HDAC4: variants seen among roughly 807,000 people sequenced by gnomAD.
HDAC4 encodes the protein histone deacetylase 4.
A neutral mutation model predicts 135.1 loss-of-function variants in HDAC4; 16 were observed. That is an observed-to-expected ratio of 0.12 (90% CI 0.08 to 0.18). The LOEUF (loss-of-function observed/expected upper bound fraction) is 0.18. Ranked by LOEUF, HDAC4 falls within the 10% of genes least tolerant of loss-of-function variation. The pLI is 1.00. For missense variants in HDAC4, 1,143 were observed against 1,511.8 expected (o/e 0.76, Z 4.05); for synonymous variants, 685 against 653.4 (o/e 1.05, Z -0.74).
In HDAC4 at chr2:239,108,033, G is replaced by A. The variant is rs760139630; in HGVS notation, c.2112+17C>T. 1 of 1,610,500 alleles carries A rather than the reference G, an allele frequency of 6.2e-7. No homozygotes were observed. The highest frequency in any genetic ancestry group is 8.5e-7 in the Non-Finnish European group (1 of 1,179,760). ...TGCCCAAAGCCGCAGCTGCCCACCT[G>A]CCCCGGTCGGCGTTACCTCGCATTT... is the stretch of plus-strand genomic sequence containing the variant. On this transcript the variant is annotated intron_variant, in intron 15 of 26. Transcript: ENST00000543185.
At chr2:239,193,177 T>G (rs1287918667) in intron 3 of HDAC4, among the ~76,000 whole-genome samples, 1 of 152,192 alleles carries the variant, frequency 6.6e-6, no homozygotes, top group Non-Finnish European at 1.5e-5. Flanking sequence ...CAAGGTCCCA[T>G]GTAGAAACAG....
intron 2 of HDAC4, among the ~76,000 whole-genome samples, chr2:239,346,332 A>G (rs1232950554): frequency 6.7e-6 from 1 of 149,310 alleles, no homozygotes; most frequent in Non-Finnish European, 1.5e-5. Flanking sequence ...TACAGACCAT[A>G]CACACCCGTC....
intron 16 of HDAC4, among the ~76,000 whole-genome samples, chr2:239,100,655 G>T (rs908267108): frequency 6.6e-6 from 1 of 152,160 alleles, no homozygotes; most frequent in Non-Finnish European, 1.5e-5. Context: ...CCCACAGGGG[G>T]TGATTAGCCG....
intron 6 of HDAC4, among the ~76,000 whole-genome samples, chr2:239,160,601 G>A (rs1219254738): frequency 1.3e-5 from 2 of 152,228 alleles, no homozygotes; most frequent in Non-Finnish European, 2.9e-5. Context: ...TCTAGGCACC[G>A]TGCCTCTGGG....
At chr2:239,226,031 A>G (rs530250369) in intron 3 of HDAC4, among the ~76,000 whole-genome samples, 1 of 152,298 alleles carries the variant, frequency 6.6e-6, no homozygotes, top group East Asian at 1.9e-4. Flanking sequence ...ACACCCTAAC[A>G]CAGACAAGGG....
In HDAC4 at chr2:239,115,462, T is replaced by C. The variant is rs1328117976; in HGVS notation, c.1534-152A>G. ...CCTGCCACAGGCCAGCAGGCACCTT[T>C]ATCTCCCAACAGGCACTGGGGTGCC... On this transcript the variant is annotated intron_variant, in intron 12 of 26. Coordinates refer to ENST00000543185, the MANE Select transcript of HDAC4 (RefSeq NM_001378414.1). The surrounding 1 kb of genome is among the most constrained non-coding windows in gnomAD (Gnocchi z 6.3). The C allele has an allele frequency of 2.1e-6, 2 of 937,966 alleles. No individual in the cohort carries two copies. Among genetic ancestry groups the C allele is most frequent in the Non-Finnish European group, 3.2e-6 (2 of 629,574 alleles). 58.1% of individuals were successfully genotyped at this position (937,966 alleles called of 1,614,324 possible). A position where few individuals can be genotyped will look rare whatever the true frequency, so the allele number is the denominator to read the frequency against.
rs536859233 is a variant in HDAC4 at position 239,373,932 on chromosome 2, C to G, written c.-219-21014G>C. ...TACTTTTTACAGTTAAGCCTTGAAT[C>G]CATCTGAAATGTATCTTCCCCTCAT... On this transcript the variant is annotated intron_variant, in intron 1 of 26. Coordinates refer to ENST00000543185, the MANE Select transcript of HDAC4 (RefSeq NM_001378414.1). 2.2e-4 allele frequency among the ~76,000 whole-genome samples: 34 copies of G among 152,274 alleles called. No homozygotes were observed. The South Asian group carries it at 7.1e-3, about 32-fold the overall frequency.
intron 2 of HDAC4, among the ~76,000 whole-genome samples, chr2:239,301,782 ATTTC>A (rs1314693905): frequency 2.0e-5 from 3 of 152,098 alleles, no homozygotes; most frequent in East Asian, 1.9e-4. Context: ...CTGTAGGCCT[ATTTC>A]TTTCTTTATG....
intron 3 of HDAC4, among the ~76,000 whole-genome samples, chr2:239,213,324 A>G (rs895696699): frequency 6.6e-6 from 1 of 152,096 alleles, no homozygotes; most frequent in African/African-American, 2.4e-5. Context: ...AAAAGAACGC[A>G]CTCAGCAACG....
chr2:239,362,036 G>GA (rs1475107253), intron 1 of HDAC4, among the ~76,000 whole-genome samples: 1 of 152,190 alleles, frequency 6.6e-6, no homozygotes, highest in African/African-American at 2.4e-5. Flanking sequence ...AATAATAGAC[G>GA]AATGTGGACA....
chr2:239,251,025 G>A (rs1246223240), intron 2 of HDAC4, among the ~76,000 whole-genome samples: 2 of 152,216 alleles, frequency 1.3e-5, no homozygotes, highest in East Asian at 3.9e-4. Context: ...AGACTCGTCA[G>A]CTGGCACCTG....
In HDAC4 at chr2:239,054,779, G is replaced by A. The variant is rs201219118; in HGVS notation, c.3058C>T (p.Arg1020Cys). ...LQQRPNANAV[R>C]SMEKVMEIHS... ...ATCTCCATGACTTTCTCCATGGAACGGACAGCGTTTGCATTGGGTCTTTGC... is the reference window on the plus strand; with the variant it reads ...ATCTCCATGACTTTCTCCATGGAACAGACAGCGTTTGCATTGGGTCTTTGC... The change falls in exon 25 of 27, where the codon CGT becomes TGT. Residue 1020 changes from arginine to cysteine, a missense_variant. This residue lies in a region of HDAC4 where 131 missense variants were observed against 130.6 expected (regional missense o/e 1.00). Coordinates refer to ENST00000543185, the MANE Select transcript of HDAC4 (RefSeq NM_001378414.1). 4.5e-4 allele frequency: 732 copies of A among 1,613,376 alleles called. No individual in the cohort carries two copies. The highest frequency in any genetic ancestry group is 6.0e-4 in the Non-Finnish European group (703 of 1,179,332).
chr2:239,262,450 G>T lies in HDAC4; in HGVS notation c.23-25786C>A, dbSNP rs2049428831. On this transcript the variant is annotated intron_variant, in intron 2 of 26. Coordinates refer to ENST00000543185, the MANE Select transcript of HDAC4 (RefSeq NM_001378414.1). This position sits in a 1 kb window ranked among gnomAD's most constrained non-coding sequence, Gnocchi z 4.1. ...AGAAGCTTTTGTGAAAGCAGAGATAGAAATTTAATTAGAAACAGACGAGGA... is the reference window on the plus strand; with the variant it reads ...AGAAGCTTTTGTGAAAGCAGAGATATAAATTTAATTAGAAACAGACGAGGA... Among the ~76,000 whole-genome samples the T allele has an allele frequency of 2.0e-5, 3 of 152,350 alleles. No homozygotes were observed. In the South Asian group the frequency reaches 6.2e-4, roughly 32 times the overall value.
chr2:239,315,712 G>C (rs532290595), intron 2 of HDAC4, among the ~76,000 whole-genome samples: 1 of 152,256 alleles, frequency 6.6e-6, no homozygotes, highest in African/African-American at 2.4e-5. Flanking sequence ...TCTGGGAAAA[G>C]ATAACATTAA....
chr2:239,325,070 T>C (rs1389685364), intron 2 of HDAC4, among the ~76,000 whole-genome samples: 2 of 152,140 alleles, frequency 1.3e-5, no homozygotes, highest in Non-Finnish European at 2.9e-5. Flanking sequence ...CCCTACCTCA[T>C]ACCATATGCA....
At chr2:239,270,232 T>C (rs1284796745) in intron 2 of HDAC4, among the ~76,000 whole-genome samples, 1 of 152,072 alleles carries the variant, frequency 6.6e-6, no homozygotes, top group Admixed American at 6.5e-5. Flanking sequence ...TCCACATCCG[T>C]ATGTGTAAAA....
chr2:239,186,797 T>C (rs2044577552), intron 4 of HDAC4: 1 of 152,268 alleles, frequency 6.6e-6, no homozygotes, highest in Non-Finnish European at 1.5e-5. Context: ...CACCCTGAGA[T>C]GGCAGCACTG....
intron 4 of HDAC4, among the ~76,000 whole-genome samples, chr2:239,181,997 C>T (rs533258619): frequency 1.3e-5 from 2 of 152,200 alleles, no homozygotes; most frequent in Non-Finnish European, 2.9e-5. Context: ...ACCTTCCTAA[C>T]GCGGTGTTCC....
chr2:239,279,752 T>TG (rs1297533666), intron 2 of HDAC4, among the ~76,000 whole-genome samples: 1 of 152,124 alleles, frequency 6.6e-6, no homozygotes, highest in African/African-American at 2.4e-5. Context: ...GGGCATGGGA[T>TG]GGGGGCGACT....
Sources: allele counts gnomAD v4.1 joint callset (sites outside exome capture counted in the v4.1 genomes callset), GRCh38; gene constraint gnomAD v4.1.1; regional missense constraint gnomAD v4.1.1; non-coding constraint Gnocchi (gnomAD v3.1); transcripts MANE v1.5; gene names NCBI Gene and HGNC (gene_info 2026-07-23, HGNC 2026-07-21).